Variants in MAN1A2 observed in about 807,000 individuals in gnomAD.
MAN1A2 encodes the protein mannosyl-oligosaccharide 1,2-alpha-mannosidase IB.
In MAN1A2, 26 loss-of-function variants were observed where a neutral mutation model predicts 75.7. That is an observed-to-expected ratio of 0.34 (90% CI 0.25 to 0.48). MAN1A2 has a LOEUF of 0.48. Among genes scored for constraint, MAN1A2 ranks in the 20% least tolerant of loss-of-function variants. The pLI is 0.99. For missense variants in MAN1A2, 562 were observed against 775.5 expected (o/e 0.72, Z 3.27); for synonymous variants, 247 against 264.6 (o/e 0.93, Z 0.65).
At chr1:117,480,396 A>G (rs991125313) in intron 8 of MAN1A2, among the ~76,000 whole-genome samples, 3 of 151,788 alleles carry the variant, frequency 2.0e-5, no homozygotes, top group African/African-American at 7.3e-5. Context: ...TTTGTTTTCC[A>G]TCATTTAGCG....
chr1:117,395,218 G>A (rs1276096300), intron 1 of MAN1A2, among the ~76,000 whole-genome samples: 5 of 152,124 alleles, frequency 3.3e-5, no homozygotes, highest in Admixed American at 2.6e-4. Context: ...AAAGATTTTG[G>A]GAGACAGTTT....
At chr1:117,444,041 G>A (rs1028510511) in intron 6 of MAN1A2, among the ~76,000 whole-genome samples, 5 of 151,810 alleles carry the variant, frequency 3.3e-5, no homozygotes, top group Non-Finnish European at 7.4e-5. Flanking sequence ...ATATGATACA[G>A]CAGACAGAAA....
intron 1 of MAN1A2, among the ~76,000 whole-genome samples, chr1:117,383,114 C>T (rs1169913547): frequency 1.3e-5 from 2 of 152,144 alleles, no homozygotes; most frequent in African/African-American, 4.8e-5. Flanking sequence ...TACTCCTTAT[C>T]TTAGGGGCAA....
At chr1:117,388,357 AT>A (rs934432947) in intron 1 of MAN1A2, among the ~76,000 whole-genome samples, 3 of 152,144 alleles carry the variant, frequency 2.0e-5, no homozygotes, top group African/African-American at 7.2e-5. Flanking sequence ...CATGGTAAAG[AT>A]GCTGTATTAG....
intron 8 of MAN1A2, among the ~76,000 whole-genome samples, chr1:117,489,751 C>T (rs1331737273): frequency 6.6e-6 from 1 of 151,944 alleles, no homozygotes. Flanking sequence ...TTGCATTTTA[C>T]TTTTAAATGA....
chr1:117,503,017 C>A lies in MAN1A2; in HGVS notation c.1793+47C>A, dbSNP rs1316666079. 5 of 973,752 alleles carry A rather than the reference C, an allele frequency of 5.1e-6. No individual in the cohort carries two copies. The Admixed American group carries it at 1.0e-4, about 20-fold the overall frequency. 60.3% of individuals were successfully genotyped at this position (973,752 alleles called of 1,614,324 possible). ...ATATTTTTATACTAGACTGGTTTTG[C>A]TGTGTGATCACTAGATGATGAATTA... is the stretch of plus-strand genomic sequence containing the variant. On this transcript the variant is annotated intron_variant, in intron 12 of 12. Transcript: ENST00000356554.
At chr1:117,417,926 A>T (rs1408630589) in intron 4 of MAN1A2, among the ~76,000 whole-genome samples, 1 of 151,828 alleles carries the variant, frequency 6.6e-6, no homozygotes, top group Non-Finnish European at 1.5e-5. Context: ...CAGAAAATAA[A>T]TCCCAGCTAC....
Position 117,525,116 on chromosome 1 carries a change from A to G in MAN1A2, c.*2159A>G. 1.9e-6 allele frequency: 1 copy of G among 529,402 alleles called. No homozygotes were observed. Among genetic ancestry groups the G allele is most frequent in the Non-Finnish European group, 3.9e-6 (1 of 258,446 alleles). The allele number at this position is 529,402 out of a possible 1,614,324, so 32.8% of individuals were successfully genotyped here. ...ACTTCTCAAGGGATGAGGAGACAGAACCCCTACTTCCAAGTGCTCTATTTG... is the reference window on the plus strand; with the variant it reads ...ACTTCTCAAGGGATGAGGAGACAGAGCCCCTACTTCCAAGTGCTCTATTTG... On this transcript the variant is annotated 3_prime_UTR_variant, in exon 13 of 13. Transcript: ENST00000356554.
intron 6 of MAN1A2, among the ~76,000 whole-genome samples, chr1:117,452,912 C>T (rs1054399768): frequency 2.0e-5 from 3 of 152,208 alleles, no homozygotes; most frequent in African/African-American, 7.2e-5. Flanking sequence ...GACAGGCTGA[C>T]TCTTGTTGGG....
At chr1:117,421,917 G>T (rs139443301) in intron 5 of MAN1A2, among the ~76,000 whole-genome samples, 1 of 152,078 alleles carries the variant, frequency 6.6e-6, no homozygotes, top group Non-Finnish European at 1.5e-5. Flanking sequence ...TGGGTTTAGC[G>T]TGGAGACCAT....
chr1:117,415,341 A>G (rs866992674), intron 4 of MAN1A2, among the ~76,000 whole-genome samples: 9 of 152,138 alleles, frequency 5.9e-5, no homozygotes, highest in Non-Finnish European at 1.2e-4. Context: ...CACCTAAAAG[A>G]TGTGTGGACT....
intron 1 of MAN1A2, among the ~76,000 whole-genome samples, chr1:117,394,259 T>C (rs1217250358): frequency 6.6e-6 from 1 of 152,102 alleles, no homozygotes; most frequent in Non-Finnish European, 1.5e-5. Flanking sequence ...TTTTTTTGTA[T>C]TTTCAGTAGA....
chr1:117,432,713 A>G (rs185451798), intron 5 of MAN1A2, among the ~76,000 whole-genome samples: 40 of 152,180 alleles, frequency 2.6e-4, no homozygotes, highest in Non-Finnish European at 4.7e-4. Context: ...CCAGAGGAAC[A>G]GGGAACATTT....
chr1:117,517,881 G>A (rs1175655111), intron 12 of MAN1A2, among the ~76,000 whole-genome samples: 1 of 151,624 alleles, frequency 6.6e-6, no homozygotes, highest in Non-Finnish European at 1.5e-5. Flanking sequence ...TCAAAACCAG[G>A]GGTAAAGAAA....
At chr1:117,470,604 G>A (rs892229955) in intron 8 of MAN1A2, among the ~76,000 whole-genome samples, 3 of 151,888 alleles carry the variant, frequency 2.0e-5, no homozygotes, top group Non-Finnish European at 4.4e-5. Flanking sequence ...TAATTTCAGT[G>A]TTATAGAAAG....
chr1:117,376,882 A>T (rs1374477179), intron 1 of MAN1A2, among the ~76,000 whole-genome samples: 1 of 152,204 alleles, frequency 6.6e-6, no homozygotes, highest in Non-Finnish European at 1.5e-5. Flanking sequence ...CATTTACATT[A>T]TATTAGGTAT....
At chr1:117,503,088 T>A (rs1651251488) in intron 12 of MAN1A2, 118 bp downstream of exon 12, 2 of 545,230 alleles carry the variant, frequency 3.7e-6, no homozygotes, top group Non-Finnish European at 6.3e-6. Flanking sequence ...AATATCTTTT[T>A]ATGTAATTGG....
intron 2 of MAN1A2, among the ~76,000 whole-genome samples, chr1:117,404,071 C>G (rs1179092561): frequency 6.6e-6 from 1 of 152,044 alleles, no homozygotes; most frequent in Admixed American, 6.5e-5. Context: ...TGGTAAATTA[C>G]ATTGTTTTTT....
rs75139404 is a variant in MAN1A2, at chr1:117,433,647, T to C, written c.856-8584T>C. On this transcript the variant is annotated intron_variant, in intron 5 of 12. Coordinates refer to ENST00000356554, the MANE Select transcript of MAN1A2 (RefSeq NM_006699.5). Reference sequence around the variant, plus strand: ...ACACAGTCATATTGTCTGCAAATAATGACAGTTGTACTTCTCCTTTTTTTC... The same window carrying C: ...ACACAGTCATATTGTCTGCAAATAACGACAGTTGTACTTCTCCTTTTTTTC... Among the ~76,000 whole-genome samples, 698 of 152,326 alleles carry C rather than the reference T, an allele frequency of 4.6e-3. 7 individuals carry two copies. The highest frequency in any genetic ancestry group is 0.016 in the African/African-American group (665 of 41,584).
Sources: gnomAD v4.1 joint callset for allele counts (sites outside exome capture counted in the v4.1 genomes callset) on GRCh38, gnomAD v4.1.1 for gene constraint, MANE v1.5 for transcripts, NCBI Gene and HGNC (gene_info 2026-07-23, HGNC 2026-07-21) for gene names.